Variants in RICTOR observed in about 807,000 individuals in gnomAD.
The protein encoded by RICTOR is rapamycin-insensitive companion of mTOR.
RICTOR carries 49 observed loss-of-function variants against 214.9 expected under a neutral mutation model. The observed-to-expected ratio is 0.23, with a 90% confidence interval of 0.18 to 0.29. The LOEUF (loss-of-function observed/expected upper bound fraction) is 0.29, where lower values mean the gene tolerates loss of function less well. Among genes scored for constraint, RICTOR ranks in the 10% least tolerant of loss-of-function variants. The probability of loss-of-function intolerance (pLI) is 1.00; values close to 1 mark genes in which losing one functional copy is unlikely to be tolerated. For missense variants in RICTOR, 1,625 were observed against 2,047.0 expected (o/e 0.79, Z 3.98); for synonymous variants, 717 against 711.3 (o/e 1.01, Z -0.13).
chr5:38,952,412 C>T lies in RICTOR; in HGVS notation c.2911G>A (p.Val971Ile). The T allele has an allele frequency of 6.2e-7, 1 of 1,606,758 alleles. No homozygotes were observed. Among genetic ancestry groups the T allele is most frequent in the Non-Finnish European group, 8.5e-7 (1 of 1,173,820 alleles). Residue 971 changes from valine (V) to isoleucine (I), a missense_variant, in exon 30 of 38, where the codon GTA (valine) becomes ATA (isoleucine). Physicochemically the swap from Val to Ile is conservative, Grantham distance 29. Transcript: ENST00000357387. ...VLSIRGTCVYVLGLIAKTKQG... is the reference protein window; with the variant it reads ...VLSIRGTCVYILGLIAKTKQG... ...TTGGTTTTAGCTATGAGCCCAAGTA[C>T]ATATACACAGGTCCTGTATATAAAA... is the stretch of plus-strand genomic sequence containing the variant.
intron 14 of RICTOR, 82 bp downstream of exon 14, chr5:38,967,079 G>T: frequency 9.3e-7 from 1 of 1,078,926 alleles, no homozygotes; most frequent in Non-Finnish European, 1.4e-6. Context: ...GGGATTACAG[G>T]CGTGAGTCAC....
chr5:38,970,229 T>G (rs1423153688), intron 11 of RICTOR: 3 of 152,196 alleles, frequency 2.0e-5, no homozygotes, highest in African/African-American at 7.2e-5. Context: ...ATTCCTATCA[T>G]TAACCAATGC....
chr5:39,043,279 T>C (rs1757288175), intron 2 of RICTOR, among the ~76,000 whole-genome samples: 1 of 152,164 alleles, frequency 6.6e-6, no homozygotes, highest in African/African-American at 2.4e-5. Context: ...GTGTGGTATA[T>C]ATGCACAATG....
At position 38,955,715 on chromosome 5, in the gene RICTOR, A is replaced by G; in HGVS notation, c.2500-11T>C. On this transcript the variant is annotated splice_polypyrimidine_tract_variant and intron_variant, in intron 25 of 37. Coordinates refer to ENST00000357387, the MANE Select transcript of RICTOR (RefSeq NM_152756.5). ...TTTGGAGTTGTATTCCTAGAGGATA[A>G]TATTGTTTTAATTGCACATAGTATC... 1 of 1,422,068 alleles carries G rather than the reference A, an allele frequency of 7.0e-7. No individual in the cohort carries two copies. 88.1% of individuals were successfully genotyped at this position (1,422,068 alleles called of 1,614,324 possible). A position where few individuals can be genotyped will look rare whatever the true frequency, so the allele number is the denominator to read the frequency against.
At chr5:38,976,902 T>C (rs1222987472) in intron 9 of RICTOR, among the ~76,000 whole-genome samples, 1 of 152,244 alleles carries the variant, frequency 6.6e-6, no homozygotes, top group Non-Finnish European at 1.5e-5. Flanking sequence ...TTCCATGACC[T>C]GATCTCTGGG....
In RICTOR at chr5:38,953,002, T is replaced by G. The variant is rs751240181; in HGVS notation, c.2880A>C (p.Glu960Asp). 1.9e-6 allele frequency: 3 copies of G among 1,605,656 alleles called. No homozygotes were observed. Among genetic ancestry groups the G allele is most frequent in the Non-Finnish European group, 2.6e-6 (3 of 1,173,478 alleles). ...PDILKLAKQC[E>D]VLSIRGTCVY... is the part of the protein sequence containing the mutation. ...TGACCTACCCTCTGATGGAAAGAAC[T>G]TCACACTGTTTTGCAAGTTTTAGTA... is the stretch of plus-strand genomic sequence containing the variant. The change falls in exon 29 of 38, where the codon GAA becomes GAC. Residue 960 changes from glutamate (E) to aspartate (D), a missense_variant. Around this residue, in one of 5 missense-constraint regions of RICTOR, gnomAD observed 1,214 missense variants for 1,470.5 expected, o/e 0.83. Transcript: ENST00000357387.
chr5:38,955,346 A>G (rs573922521), intron 26 of RICTOR, among the ~76,000 whole-genome samples: 1 of 152,042 alleles, frequency 6.6e-6, no homozygotes, highest in Non-Finnish European at 1.5e-5. Flanking sequence ...ACAGTTTATC[A>G]GAGCTCAAAG....
chr5:39,063,372 C>G (rs1257987230), intron 2 of RICTOR, among the ~76,000 whole-genome samples: 2 of 152,138 alleles, frequency 1.3e-5, no homozygotes, highest in Non-Finnish European at 2.9e-5. Flanking sequence ...AAACTTACCC[C>G]TAACTTTTTC....
chr5:38,976,232 A>G (rs772972173), intron 9 of RICTOR, among the ~76,000 whole-genome samples: 2 of 152,152 alleles, frequency 1.3e-5, no homozygotes, highest in African/African-American at 4.8e-5. Context: ...TCAATACTTA[A>G]TAGCAATTTT....
chr5:39,066,209 G>A (rs1758893855), intron 2 of RICTOR, among the ~76,000 whole-genome samples: 2 of 152,226 alleles, frequency 1.3e-5, no homozygotes, highest in Non-Finnish European at 2.9e-5. Context: ...AATAATACAT[G>A]TAAGCCATCA....
At chr5:38,980,811 A>T (rs1751659566) in intron 8 of RICTOR, 2 of 152,274 alleles carry the variant, frequency 1.3e-5, no homozygotes, top group African/African-American at 4.8e-5. Flanking sequence ...GTGCCACTAC[A>T]CTTAAGCCTG....
At chr5:39,004,494 C>G (rs184921587) in intron 3 of RICTOR, among the ~76,000 whole-genome samples, 1 of 149,172 alleles carries the variant, frequency 6.7e-6, no homozygotes, top group Admixed American at 6.7e-5. Flanking sequence ...GAGTCTCACT[C>G]TGTCACCCAG....
At chr5:38,996,527 A>C (rs1753189323) in intron 6 of RICTOR, among the ~76,000 whole-genome samples, 1 of 152,192 alleles carries the variant, frequency 6.6e-6, no homozygotes, top group African/African-American at 2.4e-5. Flanking sequence ...TCCTCTAGTA[A>C]CTTATCAAAG....
chr5:39,020,242 G>A (rs1755305290), intron 3 of RICTOR, among the ~76,000 whole-genome samples: 1 of 152,156 alleles, frequency 6.6e-6, no homozygotes, highest in African/African-American at 2.4e-5. Context: ...AGTTGATGCA[G>A]CAGTGGCAGG....
chr5:38,983,285 C>T (rs562344763), intron 7 of RICTOR, among the ~76,000 whole-genome samples: 42 of 152,242 alleles, frequency 2.8e-4, no homozygotes, highest in African/African-American at 9.6e-4. Flanking sequence ...AATAGTATTG[C>T]TTTTTCTAAT....
intron 10 of RICTOR, among the ~76,000 whole-genome samples, chr5:38,974,464 C>T (rs1380351889): frequency 6.6e-6 from 1 of 151,784 alleles, no homozygotes; most frequent in Non-Finnish European, 1.5e-5. Context: ...AGAGTCTGGA[C>T]GTAGGAAGAA....
intron 7 of RICTOR, among the ~76,000 whole-genome samples, chr5:38,988,713 T>C (rs1752357981): frequency 6.6e-6 from 1 of 152,090 alleles, no homozygotes; most frequent in African/African-American, 2.4e-5. Context: ...AGCATTCCTA[T>C]ACACCAATAA....
chr5:39,043,773 G>C (rs987597934), intron 2 of RICTOR, among the ~76,000 whole-genome samples: 1 of 152,102 alleles, frequency 6.6e-6, no homozygotes, highest in South Asian at 2.1e-4. Flanking sequence ...CCTCATGAAT[G>C]AGTTATCACA....
At chr5:38,990,774 T>G (rs9800169) in intron 7 of RICTOR, among the ~76,000 whole-genome samples, 175 bp downstream of exon 7, 1,207 of 4,992 alleles carry the variant, frequency 0.24, 215 homozygotes, top group African/African-American at 0.26. Context: ...AGATATATGA[T>G]ATATATGAGA....
Sources: gnomAD v4.1 joint callset for allele counts (sites outside exome capture counted in the v4.1 genomes callset) on GRCh38, gnomAD v4.1.1 for gene constraint, gnomAD v4.1.1 regional missense constraint, MANE v1.5 for transcripts, NCBI Gene and HGNC (gene_info 2026-07-23, HGNC 2026-07-21) for gene names.